The following BTLA variants were observed in gnomAD, a reference collection of about 807,000 sequenced individuals.
The protein encoded by BTLA is B- and T-lymphocyte attenuator.
BTLA carries 11 observed loss-of-function variants against 25.0 expected under a neutral mutation model. The ratio of observed to expected loss-of-function variants is 0.44; its 90% CI spans 0.28 to 0.73. The LOEUF (loss-of-function observed/expected upper bound fraction) is 0.73. BTLA is among the 30% of genes least tolerant of loss of function. BTLA has a pLI of 0.15. For missense variants in BTLA, 282 were observed against 332.8 expected (o/e 0.85, Z 1.19); for synonymous variants, 104 against 119.8 (o/e 0.87, Z 0.86).
At position 112,487,355 on chromosome 3, in the gene BTLA, C is replaced by T. The variant is rs543569594; in HGVS notation, c.89-7586G>A. Among the ~76,000 whole-genome samples, 13 of 152,222 alleles carry T rather than the reference C, an allele frequency of 8.5e-5. No individual in the cohort carries two copies. The East Asian group carries it at 1.2e-3, about 14-fold the overall frequency. On this transcript the variant is annotated intron_variant, in intron 1 of 4. Transcript: ENST00000334529. Reference sequence around the variant, plus strand: ...ATCCCAGCACTTTGGGAGGCCAGGGCGGGCGGATCACCAGAGGTCGGGAGT... The same window carrying T: ...ATCCCAGCACTTTGGGAGGCCAGGGTGGGCGGATCACCAGAGGTCGGGAGT...
At chr3:112,472,926 C>T (rs2082270727) in intron 2 of BTLA, among the ~76,000 whole-genome samples, 1 of 151,874 alleles carries the variant, frequency 6.6e-6, no homozygotes, top group South Asian at 2.1e-4. Flanking sequence ...TCTTGGATAG[C>T]AATGGGGACT....
intron 1 of BTLA, among the ~76,000 whole-genome samples, chr3:112,493,238 A>T (rs1241794101): frequency 1.3e-5 from 2 of 152,240 alleles, no homozygotes; most frequent in Admixed American, 6.5e-5. Flanking sequence ...GTGACCAAGG[A>T]TAAGAGTAGA....
intron 1 of BTLA, among the ~76,000 whole-genome samples, chr3:112,487,304 G>T (rs1262993154): frequency 6.6e-6 from 1 of 152,208 alleles, no homozygotes. Flanking sequence ...AAGGAAACCG[G>T]CCGGGCGTGG....
At chr3:112,497,388 G>A (rs1160507345) in intron 1 of BTLA, among the ~76,000 whole-genome samples, 2 of 152,162 alleles carry the variant, frequency 1.3e-5, no homozygotes, top group African/African-American at 2.4e-5. Context: ...TACAGTAAGT[G>A]GCAGAGCCAG....
Position 112,471,216 on chromosome 3 carries a change from G to A in BTLA, c.543C>T (p.His181=), listed in dbSNP as rs1365783784. ...CFCLFCCLRR[H]QGKQNELSDT... The stretch of plus-strand genomic sequence containing the variant: ...CAGAGGGAAAATAGAACCCACCTTG[G>A]TGCCTTCTCAGGCAGCAGAACAGGC... The change falls in exon 3 of 5, where the codon CAC becomes CAT. Residue 181 remains histidine (H), a synonymous_variant. Transcript: ENST00000334529. 3 of 1,613,632 alleles carry A rather than the reference G, an allele frequency of 1.9e-6. No individual in the cohort carries two copies. Among genetic ancestry groups the A allele is most frequent in the African/African-American group, 1.3e-5 (1 of 74,866 alleles).
At chr3:112,474,936 G>T (rs568662899) in intron 2 of BTLA, among the ~76,000 whole-genome samples, 18 of 152,276 alleles carry the variant, frequency 1.2e-4, no homozygotes, top group African/African-American at 4.3e-4. Context: ...ACAAAGATGA[G>T]CCCAATATTG....
rs772508234 is a variant in BTLA, at chr3:112,466,281, A to C, written c.697T>G (p.Cys233Gly). The C allele has an allele frequency of 6.2e-7, 1 of 1,614,076 alleles. No individual in the cohort carries two copies. The highest frequency in any genetic ancestry group is 8.5e-7 in the Non-Finnish European group (1 of 1,179,982). The change falls in exon 5 of 5, where the codon TGT becomes GGT. Residue 233 changes from cysteine (C) to glycine (G), a missense_variant. This residue lies in a region of BTLA where 119 missense variants were observed against 102.3 expected (regional missense o/e 1.16). Transcript: ENST00000334529. Reference sequence around the variant, plus strand: ...TCAGACCCTTCCTGCATCCTGAAACAAAGGTCAGGGTCATTATCATAAATT... The same window carrying C: ...TCAGACCCTTCCTGCATCCTGAAACCAAGGTCAGGGTCATTATCATAAATT... ...TGIYDNDPDL[C>G]FRMQEGSEVY...
At chr3:112,496,766 CT>C (rs35137876) in intron 1 of BTLA, among the ~76,000 whole-genome samples, 49 of 148,560 alleles carry the variant, frequency 3.3e-4, no homozygotes, top group Admixed American at 5.4e-4. Context: ...AAGTCTTTCC[CT>C]TTTTTTTTTG....
At chr3:112,467,928 T>C (rs2107306942) in intron 4 of BTLA, among the ~76,000 whole-genome samples, 1 of 152,354 alleles carries the variant, frequency 6.6e-6, no homozygotes, top group South Asian at 2.1e-4. Context: ...TCCCTGTCTC[T>C]CATCCCAAGA....
At chr3:112,480,354 C>A (rs984523025) in intron 1 of BTLA, among the ~76,000 whole-genome samples, 1 of 152,190 alleles carries the variant, frequency 6.6e-6, no homozygotes, top group Non-Finnish European at 1.5e-5. Flanking sequence ...AAATAAACAG[C>A]CTTGTTGCTC....
intron 1 of BTLA, among the ~76,000 whole-genome samples, chr3:112,480,297 C>T (rs755640538): frequency 2.6e-5 from 4 of 152,176 alleles, no homozygotes; most frequent in African/African-American, 9.7e-5. Flanking sequence ...GATAATCTCA[C>T]CATCATTTGC....
intron 1 of BTLA, among the ~76,000 whole-genome samples, chr3:112,490,832 T>C (rs905729960): frequency 6.6e-6 from 1 of 152,056 alleles, no homozygotes; most frequent in African/African-American, 2.4e-5. Flanking sequence ...AAAACATATC[T>C]TCTTATATTC....
At chr3:112,485,626 C>T (rs1043332841) in intron 1 of BTLA, among the ~76,000 whole-genome samples, 3 of 151,776 alleles carry the variant, frequency 2.0e-5, no homozygotes, top group Non-Finnish European at 2.9e-5. Flanking sequence ...TGCAATGGAG[C>T]GATCTCGGTT....
intron 1 of BTLA, among the ~76,000 whole-genome samples, chr3:112,498,916 C>T (rs755831702): frequency 5.9e-5 from 9 of 152,118 alleles, no homozygotes; most frequent in Non-Finnish European, 8.8e-5. Context: ...TTGGAAAGAA[C>T]GAGCTATCTA....
At chr3:112,475,505 C>T (rs1368447486) in intron 2 of BTLA, among the ~76,000 whole-genome samples, 1 of 152,174 alleles carries the variant, frequency 6.6e-6, no homozygotes, top group Non-Finnish European at 1.5e-5. Context: ...CAACTTGATC[C>T]CTAGAACAGG....
rs1278347983 is a variant in BTLA, at chr3:112,489,342, CCAAT to C, written c.89-9577_89-9574del. On this transcript the variant is annotated intron_variant, in intron 1 of 4. Transcript: ENST00000334529. The stretch of plus-strand genomic sequence containing the variant: ...TGAAGAGAGTAGGTAATTTTTGAAA[CCAAT>C]CAGCCATTTAAAAAAAAAGAGGGTT... 2.6e-5 allele frequency among the ~76,000 whole-genome samples: 4 copies of C among 151,798 alleles called. No individual in the cohort carries two copies. In the South Asian group the frequency reaches 8.3e-4, roughly 32 times the overall value.
intron 1 of BTLA, among the ~76,000 whole-genome samples, chr3:112,487,910 G>C (rs1489715419): frequency 1.3e-5 from 2 of 152,146 alleles, no homozygotes; most frequent in Non-Finnish European, 2.9e-5. Flanking sequence ...CAACCCCCAG[G>C]CAAATTTGGT....
intron 1 of BTLA, among the ~76,000 whole-genome samples, chr3:112,489,734 C>T (rs1358863653): frequency 6.6e-6 from 1 of 152,136 alleles, no homozygotes; most frequent in Non-Finnish European, 1.5e-5. Flanking sequence ...AAACAACAAG[C>T]AAACCAAAAC....
intron 1 of BTLA, among the ~76,000 whole-genome samples, chr3:112,481,374 G>A (rs1419511020): frequency 6.6e-6 from 1 of 152,226 alleles, no homozygotes; most frequent in African/African-American, 2.4e-5. Flanking sequence ...CATTCTGCTA[G>A]CCTGCACACT....
Sources: allele counts gnomAD v4.1 joint callset (sites outside exome capture counted in the v4.1 genomes callset), GRCh38; gene constraint gnomAD v4.1.1; regional missense constraint gnomAD v4.1.1; transcripts MANE v1.5; gene names NCBI Gene and HGNC (gene_info 2026-07-23, HGNC 2026-07-21).